Variants in PDE9A observed in about 807,000 individuals in gnomAD.
The protein encoded by PDE9A is high affinity cGMP-specific 3',5'-cyclic phosphodiesterase 9A.
A neutral mutation model predicts 87.4 loss-of-function variants in PDE9A; 60 were observed. That is an observed-to-expected ratio of 0.69 (90% CI 0.56 to 0.85). The LOEUF is 0.85. Ranked by LOEUF, PDE9A falls within the 40% of genes least tolerant of loss-of-function variation. The probability of loss-of-function intolerance (pLI) is 0.00; values close to 1 mark genes in which losing one functional copy is unlikely to be tolerated. For missense variants in PDE9A, 665 were observed against 779.0 expected (o/e 0.85, Z 1.74); for synonymous variants, 272 against 279.4 (o/e 0.97, Z 0.27).
At position 42,769,034 on chromosome 21, in the gene PDE9A, G is replaced by T. The variant is rs758463494; in HGVS notation, c.1469G>T (p.Arg490Leu). The part of the protein sequence containing the change: ...LLEEYFMQSD[R>L]EKSEGLPVAP... ...CTGCTGCATTCCCTGCAGAGCGACC[G>T]TGAGAAGTCAGAAGGCCTTCCTGTG... The change falls in exon 17 of 20, where the codon CGT (arginine) becomes CTT (leucine). Residue 490 changes from arginine to leucine, a missense_variant. Physicochemically the swap from Arg to Leu is moderately radical, Grantham distance 102. Transcript: ENST00000291539. 33 of 1,611,816 alleles carry T rather than the reference G, an allele frequency of 2.0e-5. No homozygotes were observed. Among genetic ancestry groups the T allele is most frequent in the Non-Finnish European group, 2.7e-5 (32 of 1,178,470 alleles).
Position 42,704,904 on chromosome 21 carries a change from G to C in PDE9A, c.262+5893G>C, listed in dbSNP as rs899029948. Among the ~76,000 whole-genome samples the C allele has an allele frequency of 1.4e-4, 21 of 152,224 alleles. No homozygotes were observed. The highest frequency in any genetic ancestry group is 5.1e-4 in the African/African-American group (21 of 41,466). On this transcript the variant is annotated intron_variant, in intron 4 of 19. Coordinates refer to ENST00000291539, the MANE Select transcript of PDE9A (RefSeq NM_002606.3). This position sits in a 1 kb window ranked among gnomAD's most constrained non-coding sequence, Gnocchi z 5.3. ...AACTGTGCAATGCAGAAACACCCCA[G>C]GGTTTTGCTGTTTTGCTACTTAAAT...
At chr21:42,768,982 G>A in intron 16 of PDE9A, 45 bp from the exon 17 acceptor site, 1 of 1,576,888 alleles carries the variant, frequency 6.3e-7, no homozygotes, top group South Asian at 1.2e-5. Context: ...TCTGGTTATG[G>A]GGCATTTCTG....
intron 3 of PDE9A, among the ~76,000 whole-genome samples, chr21:42,697,806 A>G (rs1360268057): frequency 1.3e-5 from 2 of 152,002 alleles, no homozygotes; most frequent in African/African-American, 4.8e-5. Flanking sequence ...CCAAGGCCCT[A>G]CCTCCTAATC....
At chr21:42,767,771 T>C (rs2056546199) in intron 15 of PDE9A, among the ~76,000 whole-genome samples, 1 of 152,150 alleles carries the variant, frequency 6.6e-6, no homozygotes. Flanking sequence ...CCGGGCTAGT[T>C]TGGGTGGAAG....
chr21:42,689,287 C>T (rs183642934), intron 3 of PDE9A, among the ~76,000 whole-genome samples: 3 of 152,370 alleles, frequency 2.0e-5, no homozygotes, highest in Admixed American at 6.5e-5. Flanking sequence ...TGGCTGTGCC[C>T]GTCAGTCTCC....
At chr21:42,669,902 C>T (rs1220128220) in intron 1 of PDE9A, among the ~76,000 whole-genome samples, 1 of 152,128 alleles carries the variant, frequency 6.6e-6, no homozygotes, top group East Asian at 1.9e-4. Context: ...CCAGTGTGAC[C>T]GTGCCTTCTA....
At position 42,732,121 on chromosome 21, in the gene PDE9A, C is replaced by G; in HGVS notation, c.494C>G (p.Ser165Ter). Residue 165 changes from serine to a stop codon, truncating the protein, a stop_gained, in exon 6 of 20, where the codon TCA (serine) becomes TGA (stop). Coordinates refer to ENST00000291539, the MANE Select transcript of PDE9A (RefSeq NM_002606.3). LOFTEE classifies it high-confidence loss of function. ...SVLAQVAEQF[S>*]RAFKINELKA... ...CTGGCGCAGGTTGCAGAGCAGTTCT[C>G]AAGGTACAGAGTCTTCTAAACTTAC... The G allele has an allele frequency of 6.2e-7, 1 of 1,613,836 alleles. No homozygotes were observed. Among genetic ancestry groups the G allele is most frequent in the Non-Finnish European group, 8.5e-7 (1 of 1,179,736 alleles).
intron 1 of PDE9A, among the ~76,000 whole-genome samples, chr21:42,654,219 G>C (rs931450810): frequency 6.6e-6 from 1 of 152,182 alleles, no homozygotes; most frequent in Non-Finnish European, 1.5e-5. Context: ...GGGCAGCCCC[G>C]GGGTCGTGGT....
chr21:42,716,747 C>T (rs1203268335), intron 4 of PDE9A, among the ~76,000 whole-genome samples: 6 of 94,250 alleles, frequency 6.4e-5, no homozygotes, highest in Non-Finnish European at 9.5e-5. Context: ...TTATAATTTC[C>T]TTTTTTTTTT....
chr21:42,667,750 A>G (rs1463887629), intron 1 of PDE9A, among the ~76,000 whole-genome samples: 1 of 151,798 alleles, frequency 6.6e-6, no homozygotes, highest in Admixed American at 6.6e-5. Flanking sequence ...TTCCCTAGAA[A>G]CCCGTGGCAA....
At chr21:42,656,081 C>A (rs2057047399) in intron 1 of PDE9A, among the ~76,000 whole-genome samples, 1 of 152,230 alleles carries the variant, frequency 6.6e-6, no homozygotes, top group Non-Finnish European at 1.5e-5. Context: ...GCCGCCATTC[C>A]TTCTCTTAAA....
rs2059762652 is a variant in PDE9A, at chr21:42,690,540, G to A, written c.218+2546G>A. Among the ~76,000 whole-genome samples the A allele has an allele frequency of 2.0e-5, 3 of 152,100 alleles. No individual in the cohort carries two copies. The South Asian group carries it at 6.2e-4, about 32-fold the overall frequency. The stretch of plus-strand genomic sequence containing the variant: ...CCTCTCTCATGACAAACTGATCGTG[G>A]CTGGGGGCGGCACGTGCTGAGATGT... On this transcript the variant is annotated intron_variant, in intron 3 of 19. Transcript: ENST00000291539.
chr21:42,678,164 G>A (rs369529333), intron 1 of PDE9A, among the ~76,000 whole-genome samples: 22 of 152,222 alleles, frequency 1.4e-4, no homozygotes, highest in African/African-American at 3.6e-4. Context: ...TGGAATCAAC[G>A]GAAGCCGACT....
chr21:42,682,178 T>C (rs1181643574), intron 1 of PDE9A, among the ~76,000 whole-genome samples: 2 of 152,228 alleles, frequency 1.3e-5, no homozygotes, highest in African/African-American at 4.8e-5. Context: ...TTTACTGAAC[T>C]GATGAATCGA....
intron 4 of PDE9A, among the ~76,000 whole-genome samples, chr21:42,713,905 A>ATT (rs71332370): frequency 2.4e-5 from 3 of 123,708 alleles, no homozygotes; most frequent in Non-Finnish European, 5.2e-5. Flanking sequence ...TTTAATTCCA[A>ATT]TTTTTTTTTT....
chr21:42,657,780 G>A (rs2057194462), intron 1 of PDE9A, among the ~76,000 whole-genome samples: 1 of 152,224 alleles, frequency 6.6e-6, no homozygotes, highest in Non-Finnish European at 1.5e-5. Context: ...CCTCTGTGGT[G>A]CCACTGCCCT....
chr21:42,686,471 A>G (rs1388921698), intron 2 of PDE9A, among the ~76,000 whole-genome samples: 1 of 152,234 alleles, frequency 6.6e-6, no homozygotes, highest in East Asian at 1.9e-4. Flanking sequence ...GGCTGTGTCC[A>G]CAAGGAGGAA....
chr21:42,740,741 T>C (rs1283256169), intron 7 of PDE9A, among the ~76,000 whole-genome samples: 100 of 142,486 alleles, frequency 7.0e-4, no homozygotes, highest in African/African-American at 1.4e-3. Flanking sequence ...GATAGATAGA[T>C]AGATAGATAA....
At chr21:42,691,221 G>A (rs1350188826) in intron 3 of PDE9A, among the ~76,000 whole-genome samples, 12 of 123,278 alleles carry the variant, frequency 9.7e-5, no homozygotes, top group Middle Eastern at 0.014. Flanking sequence ...CAGTCCCATC[G>A]CCATCACCAT....
Sources: gnomAD v4.1 joint callset for allele counts (sites outside exome capture counted in the v4.1 genomes callset) on GRCh38, gnomAD v4.1.1 for gene constraint, Gnocchi (gnomAD v3.1) non-coding constraint, MANE v1.5 for transcripts, NCBI Gene and HGNC (gene_info 2026-07-23, HGNC 2026-07-21) for gene names.